The following SFXN5 variants were observed in gnomAD, a reference collection of about 807,000 sequenced individuals.
SFXN5 encodes the protein sideroflexin 5.
A neutral mutation model predicts 50.2 loss-of-function variants in SFXN5; 43 were observed. That is an observed-to-expected ratio of 0.86 (90% CI 0.67 to 1.11). The LOEUF (loss-of-function observed/expected upper bound fraction) is 1.11, where lower values mean the gene tolerates loss of function less well. Ranked by LOEUF, SFXN5 falls within the 50% of genes least tolerant of loss-of-function variation. SFXN5 has a pLI of 0.00. For missense variants in SFXN5, 463 were observed against 454.1 expected, an observed-to-expected ratio of 1.02 and a Z score of -0.18; for synonymous variants, 203 against 185.8, an observed-to-expected ratio of 1.09 and a Z score of -0.75.
chr2:73,056,981 A>G (rs1375552613), intron 2 of SFXN5, among the ~76,000 whole-genome samples: 2 of 152,230 alleles, frequency 1.3e-5, no homozygotes, highest in Non-Finnish European at 2.9e-5. Flanking sequence ...GAATGTTCAT[A>G]TAGTTTTATT....
intron 6 of SFXN5, among the ~76,000 whole-genome samples, chr2:73,016,386 T>C (rs1676147097): frequency 1.3e-5 from 2 of 152,154 alleles, no homozygotes; most frequent in Admixed American, 1.3e-4. Flanking sequence ...TCTCTATAAA[T>C]CGATATACAG....
intron 12 of SFXN5, among the ~76,000 whole-genome samples, chr2:72,967,069 G>A (rs920606349): frequency 6.6e-6 from 1 of 152,210 alleles, no homozygotes; most frequent in Non-Finnish European, 1.5e-5. Flanking sequence ...GCCACCGCTG[G>A]CTCTGCTATT....
rs1213275450 is a variant in SFXN5 at position 72,945,967 on chromosome 2, T to C, written c.946-868A>G. ...CCTGGGCAGGTGACACTTCCTCTTA[T>C]TTAGGGAAAAAGCTGAAGGTGTCAG... On this transcript the variant is annotated intron_variant, in intron 13 of 13. Coordinates refer to ENST00000272433, the MANE Select transcript of SFXN5 (RefSeq NM_144579.3). This position sits in a 1 kb window ranked among gnomAD's most constrained non-coding sequence, Gnocchi z 5.8. 6.6e-6 allele frequency among the ~76,000 whole-genome samples: 1 copy of C among 151,980 alleles called. No homozygotes were observed. The highest frequency in any genetic ancestry group is 2.4e-5 in the African/African-American group (1 of 41,352).
intron 1 of SFXN5, among the ~76,000 whole-genome samples, chr2:73,060,923 G>C (rs951216301): frequency 1.3e-5 from 2 of 151,870 alleles, no homozygotes; most frequent in South Asian, 2.1e-4. Flanking sequence ...GGATGGTCTC[G>C]ATCTCCTGAC....
At chr2:72,994,122 G>A (rs970759799) in intron 9 of SFXN5, among the ~76,000 whole-genome samples, 2 of 151,896 alleles carry the variant, frequency 1.3e-5, no homozygotes, top group East Asian at 1.9e-4. Context: ...CAGGAAAAAG[G>A]AAAAAGGGGT....
At chr2:72,997,159 T>C (rs548611283) in intron 9 of SFXN5, 1 of 152,258 alleles carries the variant, frequency 6.6e-6, no homozygotes, top group Non-Finnish European at 1.5e-5. Context: ...GGGAAAGAGA[T>C]CTTGGGCATG....
rs141271433 is a variant in SFXN5 at position 72,987,113 on chromosome 2, GT to G, written c.625+1144del. On this transcript the variant is annotated intron_variant, in intron 10 of 13. Coordinates refer to ENST00000272433, the MANE Select transcript of SFXN5 (RefSeq NM_144579.3). ...GATATAGTAATAGATGTTTTTTGGG[GT>G]TTTTTTTGTTTTGTTTTGTTTTTGA... is the stretch of plus-strand genomic sequence containing the variant. Among the ~76,000 whole-genome samples the G allele has an allele frequency of 7.1e-3, 1,080 of 151,974 alleles. 16 individuals carry two copies. Among genetic ancestry groups the G allele is most frequent in the African/African-American group, 0.025 (1,029 of 41,460 alleles).
chr2:73,013,454 A>G (rs1675793615), intron 6 of SFXN5, among the ~76,000 whole-genome samples: 1 of 147,904 alleles, frequency 6.8e-6, no homozygotes, highest in South Asian at 2.1e-4. Context: ...TTTGAGAGAT[A>G]GAGATGATAT....
intron 6 of SFXN5, among the ~76,000 whole-genome samples, chr2:73,017,982 C>A (rs1474691444): frequency 2.0e-5 from 3 of 152,122 alleles, no homozygotes; most frequent in African/African-American, 2.4e-5. Flanking sequence ...GGTGGGAAGA[C>A]TGCTTTCAGT....
intron 10 of SFXN5, among the ~76,000 whole-genome samples, chr2:72,985,933 G>C (rs1671863131): frequency 6.6e-6 from 1 of 152,220 alleles, no homozygotes; most frequent in Non-Finnish European, 1.5e-5. Flanking sequence ...TGGCCAGTAG[G>C]GCTGGAATGG....
At chr2:72,959,962 G>C (rs1673524930) in intron 13 of SFXN5, among the ~76,000 whole-genome samples, 2 of 152,074 alleles carry the variant, frequency 1.3e-5, no homozygotes, top group Non-Finnish European at 2.9e-5. Flanking sequence ...AGACACTAAT[G>C]GATACTCTGT....
chr2:72,954,040 G>A (rs1672815653), intron 13 of SFXN5, among the ~76,000 whole-genome samples: 1 of 152,160 alleles, frequency 6.6e-6, no homozygotes, highest in African/African-American at 2.4e-5. Context: ...GGAGTATGGG[G>A]TGGCTGAGGT....
intron 3 of SFXN5, among the ~76,000 whole-genome samples, chr2:73,035,558 G>C (rs1678865256): frequency 7.1e-6 from 1 of 141,158 alleles, no homozygotes; most frequent in Non-Finnish European, 1.5e-5. Context: ...GGAGTGCAGT[G>C]CTGTGATCTC....
At chr2:72,990,721 T>C (rs1300057784) in intron 9 of SFXN5, among the ~76,000 whole-genome samples, 1 of 152,174 alleles carries the variant, frequency 6.6e-6, no homozygotes, top group Admixed American at 6.5e-5. Context: ...AAAGCTAGCA[T>C]TTGAACGCAG....
intron 3 of SFXN5, among the ~76,000 whole-genome samples, chr2:73,031,584 G>C (rs1009054753): frequency 6.6e-6 from 1 of 152,220 alleles, no homozygotes; most frequent in Non-Finnish European, 1.5e-5. Flanking sequence ...TGATATCAGG[G>C]AAAGATTTCC....
At chr2:73,022,748 G>A (rs969375988) in intron 4 of SFXN5, among the ~76,000 whole-genome samples, 172 bp from the exon 5 acceptor site, 2 of 152,130 alleles carry the variant, frequency 1.3e-5, no homozygotes, top group African/African-American at 2.4e-5. Flanking sequence ...CTTGTGGCCA[G>A]TTAGGCCTTT....
In SFXN5 at chr2:72,961,520, T is replaced by A. The variant is rs991477315; in HGVS notation, c.828-272A>T. Among the ~76,000 whole-genome samples the A allele has an allele frequency of 2.0e-5, 3 of 152,154 alleles. No homozygotes were observed. Among genetic ancestry groups the A allele is most frequent in the South Asian group, 2.1e-4 (1 of 4,830 alleles). On this transcript the variant is annotated intron_variant, in intron 12 of 13. Coordinates refer to ENST00000272433, the MANE Select transcript of SFXN5 (RefSeq NM_144579.3). The surrounding 1 kb of genome is among the most constrained non-coding windows in gnomAD (Gnocchi z 4.4). ...TTACTCAGGTCACGAATGAGTACTTTCGGGGCACCCACCCGCCACGCGTCC... is the reference window on the plus strand; with the variant it reads ...TTACTCAGGTCACGAATGAGTACTTACGGGGCACCCACCCGCCACGCGTCC...
chr2:72,945,681 C>A lies in SFXN5; in HGVS notation c.946-582G>T, dbSNP rs1671856736. On this transcript the variant is annotated intron_variant, in intron 13 of 13. Transcript: ENST00000272433. This position sits in a 1 kb window ranked among gnomAD's most constrained non-coding sequence, Gnocchi z 5.8. ...CCATCCCTTCAGCTACTCCCTAGCCCAAGGGTCCCTCCCACGCTGCTGGCA... is the reference window on the plus strand; with the variant it reads ...CCATCCCTTCAGCTACTCCCTAGCCAAAGGGTCCCTCCCACGCTGCTGGCA... Among the ~76,000 whole-genome samples the A allele has an allele frequency of 6.6e-6, 1 of 152,132 alleles. No homozygotes were observed. Among genetic ancestry groups the A allele is most frequent in the Non-Finnish European group, 1.5e-5 (1 of 68,006 alleles).
intron 13 of SFXN5, chr2:72,956,845 G>C (rs1022287278): frequency 5.8e-6 from 2 of 342,542 alleles, no homozygotes; most frequent in Non-Finnish European, 1.2e-5. Context: ...TTTCTTTGCT[G>C]TTCTCCCACA....
Sources: allele counts gnomAD v4.1 joint callset (sites outside exome capture counted in the v4.1 genomes callset), GRCh38; gene constraint gnomAD v4.1.1; non-coding constraint Gnocchi (gnomAD v3.1); transcripts MANE v1.5; gene names NCBI Gene and HGNC (gene_info 2026-07-23, HGNC 2026-07-21).